The following NREP variants were observed in gnomAD, a reference collection of about 807,000 sequenced individuals.
NREP encodes neuronal regeneration related protein.
A neutral mutation model predicts 8.6 loss-of-function variants in NREP; 5 were observed. The ratio of observed to expected loss-of-function variants is 0.58; its 90% CI spans 0.30 to 1.22. The LOEUF is 1.22. Ranked by LOEUF, NREP falls within the 50% of genes most tolerant of loss-of-function variation. NREP has a pLI of 0.07. For synonymous variants in NREP, 27 were observed against 28.0 expected (o/e 0.96, Z 0.11); for missense variants, 86 against 82.5 (o/e 1.04, Z -0.17).
chr5:111,742,127 T>C (rs1342528463), intron 2 of NREP, among the ~76,000 whole-genome samples: 1 of 152,164 alleles, frequency 6.6e-6, no homozygotes, highest in African/African-American at 2.4e-5. Context: ...GCTTCGGGTG[T>C]GTATTCCCAC....
chr5:111,849,825 G>A (rs1485165575), intron 2 of NREP, among the ~76,000 whole-genome samples: 2 of 152,050 alleles, frequency 1.3e-5, no homozygotes, highest in Non-Finnish European at 2.9e-5. Flanking sequence ...CAACTCTTAA[G>A]GCAAGCCCTG....
At chr5:111,882,788 T>C (rs1007637460) in intron 2 of NREP, among the ~76,000 whole-genome samples, 2 of 152,166 alleles carry the variant, frequency 1.3e-5, no homozygotes, top group African/African-American at 4.8e-5. Flanking sequence ...AGAGATTTTG[T>C]CACCACCAGG....
chr5:111,881,943 A>T (rs947695218), intron 2 of NREP, among the ~76,000 whole-genome samples: 2 of 152,220 alleles, frequency 1.3e-5, no homozygotes, highest in African/African-American at 4.8e-5. Flanking sequence ...CCAAAGGATC[A>T]CAGTTCCTCA....
At chr5:111,757,403 T>C (rs1750793069), upstream of NREP, 12 of 968,346 alleles carry the variant, frequency 1.2e-5, no homozygotes, top group South Asian at 5.2e-4. Flanking sequence ...CAAGAGTGTG[T>C]GTGTCTCTCT....
intron 2 of NREP, among the ~76,000 whole-genome samples, chr5:111,749,659 A>G (rs1750229052): frequency 6.6e-6 from 1 of 152,142 alleles, no homozygotes; most frequent in Admixed American, 6.5e-5. Flanking sequence ...TGGGGGTGCA[A>G]CTGATTAGCA....
chr5:111,842,549 C>T (rs552582385), intron 2 of NREP, among the ~76,000 whole-genome samples: 75 of 152,232 alleles, frequency 4.9e-4, no homozygotes, highest in African/African-American at 1.7e-3. Flanking sequence ...ATTGTGCATA[C>T]ATTAACAAAT....
At position 111,842,542 on chromosome 5, in the gene NREP, G is replaced by T. The variant is rs189323192; in HGVS notation, c.136-107035C>A. ...TGTCACAATTCACATATTTTATATT[G>T]TGCATACATTAACAAATTATTTGTT... On this transcript the variant is annotated intron_variant, in intron 2 of 3. Transcript: ENST00000395634. Among the ~76,000 whole-genome samples, 17 of 152,022 alleles carry T rather than the reference G, an allele frequency of 1.1e-4. No homozygotes were observed. The East Asian group carries it at 3.3e-3, about 29-fold the overall frequency.
chr5:111,807,875 T>C (rs1314000947), intron 2 of NREP, among the ~76,000 whole-genome samples: 2 of 152,162 alleles, frequency 1.3e-5, no homozygotes, highest in African/African-American at 4.8e-5. Context: ...CAGCTCTGAA[T>C]ATCATGTGAA....
At chr5:111,943,011 C>T (rs1755873982) in intron 2 of NREP, among the ~76,000 whole-genome samples, 1 of 151,742 alleles carries the variant, frequency 6.6e-6, no homozygotes, top group Non-Finnish European at 1.5e-5. Flanking sequence ...TATCCTCTCC[C>T]CTTTCTCCCC....
At chr5:111,776,604 T>C (rs1415012904) in intron 2 of NREP, among the ~76,000 whole-genome samples, 2 of 152,176 alleles carry the variant, frequency 1.3e-5, no homozygotes, top group Non-Finnish European at 2.9e-5. Context: ...AGTCGTCGAT[T>C]CATACAATGG....
At chr5:111,870,517 G>A (rs969123619) in intron 2 of NREP, among the ~76,000 whole-genome samples, 1 of 152,146 alleles carries the variant, frequency 6.6e-6, no homozygotes, top group African/African-American at 2.4e-5. Flanking sequence ...TTTAAAAATT[G>A]ATTTCATTGG....
chr5:111,923,195 G>A (rs1035689714), intron 2 of NREP, among the ~76,000 whole-genome samples: 3 of 152,144 alleles, frequency 2.0e-5, no homozygotes, highest in African/African-American at 4.8e-5. Context: ...AAGTGCCCTT[G>A]TGAGAGCTAT....
rs570961415 is a variant in NREP, at chr5:111,799,972, T to A, written c.136-64465A>T. ...TCTCGCTCCGTCACCCAGGCTGGAG[T>A]GCGGTGGTGTGATCTCAGCTCACCG... On this transcript the variant is annotated intron_variant, in intron 2 of 3. Coordinates refer to the NREP transcript ENST00000395634. Among the ~76,000 whole-genome samples, 7 of 152,228 alleles carry A rather than the reference T, an allele frequency of 4.6e-5. No homozygotes were observed. The East Asian group carries it at 1.2e-3, about 25-fold the overall frequency.
chr5:111,817,761 T>C (rs1752425786), intron 2 of NREP, among the ~76,000 whole-genome samples: 2 of 135,008 alleles, frequency 1.5e-5, no homozygotes, highest in South Asian at 2.3e-4. Context: ...GCTGAGATCG[T>C]GCCACTGCAC....
At chr5:111,924,122 A>G (rs752768484) in intron 2 of NREP, among the ~76,000 whole-genome samples, 14 of 152,166 alleles carry the variant, frequency 9.2e-5, no homozygotes, top group African/African-American at 3.1e-4. Context: ...GACCCTTCAG[A>G]TAACACTAAA....
chr5:111,843,500 T>C (rs1490282656), intron 2 of NREP, among the ~76,000 whole-genome samples: 2 of 152,108 alleles, frequency 1.3e-5, no homozygotes, highest in Non-Finnish European at 2.9e-5. Flanking sequence ...CTGAGCTTCA[T>C]TAAGATGATT....
chr5:111,825,957 A>AT (rs370482212), intron 2 of NREP, among the ~76,000 whole-genome samples: 7,204 of 140,286 alleles, frequency 0.051, 377 homozygotes, highest in East Asian at 0.25. Context: ...GCTCGTTTGG[A>AT]TTTTTTTTTT....
At chr5:111,856,334 G>A (rs1753426869) in intron 2 of NREP, among the ~76,000 whole-genome samples, 1 of 152,276 alleles carries the variant, frequency 6.6e-6, no homozygotes, top group South Asian at 2.1e-4. Context: ...GACCCAATGT[G>A]TGTTTCACAG....
At chr5:111,881,156 G>A (rs975111056) in intron 2 of NREP, among the ~76,000 whole-genome samples, 3 of 152,194 alleles carry the variant, frequency 2.0e-5, no homozygotes, top group Non-Finnish European at 4.4e-5. Context: ...CTTAAAAAAC[G>A]GCGCACCAGG....
Sources: gnomAD v4.1 joint callset for allele counts (sites outside exome capture counted in the v4.1 genomes callset) on GRCh38, gnomAD v4.1.1 for gene constraint, MANE v1.5 for transcripts, NCBI Gene and HGNC (gene_info 2026-07-23, HGNC 2026-07-21) for gene names.